The following EXT1 variants were observed in gnomAD, a reference collection of about 807,000 sequenced individuals.
EXT1 encodes the protein exostosin-1.
In EXT1, 20 loss-of-function variants were observed where a neutral mutation model predicts 82.5. The ratio of observed to expected loss-of-function variants is 0.24; its 90% CI spans 0.17 to 0.35. The LOEUF (loss-of-function observed/expected upper bound fraction) is 0.35. EXT1 is among the 10% of genes least tolerant of loss of function. The probability of loss-of-function intolerance (pLI) is 1.00; values close to 1 mark genes in which losing one functional copy is unlikely to be tolerated. For synonymous variants in EXT1, 348 were observed against 350.8 expected (o/e 0.99, Z 0.09); for missense variants, 757 against 936.5 (o/e 0.81, Z 2.50).
At chr8:118,086,854 T>G (rs1031396312) in intron 1 of EXT1, among the ~76,000 whole-genome samples, 4 of 152,192 alleles carry the variant, frequency 2.6e-5, no homozygotes, top group African/African-American at 9.7e-5. Context: ...GGGATAACTA[T>G]TTAGGAGCTT....
intron 1 of EXT1, among the ~76,000 whole-genome samples, chr8:117,841,590 T>G (rs10103003): frequency 1.3e-5 from 2 of 151,962 alleles, no homozygotes; most frequent in Non-Finnish European, 2.9e-5. Context: ...CCAGATAATT[T>G]GCCACTCTAA....
At chr8:117,883,980 T>C (rs1030288846) in intron 1 of EXT1, among the ~76,000 whole-genome samples, 2 of 152,216 alleles carry the variant, frequency 1.3e-5, no homozygotes, top group African/African-American at 4.8e-5. Flanking sequence ...AACCAGCTTA[T>C]GAGTGTCACT....
chr8:117,949,448 C>A (rs1444537321), intron 1 of EXT1, among the ~76,000 whole-genome samples: 2 of 150,388 alleles, frequency 1.3e-5, no homozygotes, highest in East Asian at 3.9e-4. Context: ...AATATCAGTA[C>A]CTAGTTTGTG....
At chr8:118,021,684 T>A (rs777489979) in intron 1 of EXT1, among the ~76,000 whole-genome samples, 4 of 152,192 alleles carry the variant, frequency 2.6e-5, no homozygotes, top group Non-Finnish European at 5.9e-5. Context: ...AGGGATATTG[T>A]CTGAATGTTT....
chr8:118,069,226 G>A (rs943036503), intron 1 of EXT1, among the ~76,000 whole-genome samples: 4 of 152,154 alleles, frequency 2.6e-5, no homozygotes, highest in Non-Finnish European at 5.9e-5. Context: ...TGTAGCAGAG[G>A]TTAACTTCCC....
rs147018695 is a variant in EXT1, at chr8:117,834,070, C to A, written c.1164+1374G>T. Among the ~76,000 whole-genome samples the A allele has an allele frequency of 4.8e-4, 73 of 152,290 alleles. 1 individual carries two copies. The highest frequency in any genetic ancestry group is 1.6e-3 in the African/African-American group (67 of 41,578). On this transcript the variant is annotated intron_variant, in intron 3 of 10. Coordinates refer to ENST00000378204, the MANE Select transcript of EXT1 (RefSeq NM_000127.3). Reference sequence around the variant, plus strand: ...TTAAGTTGTATTCAGGGCAGAATAACTTATTCCCCCAAAAACAGATTCTGT... The same window carrying A: ...TTAAGTTGTATTCAGGGCAGAATAAATTATTCCCCCAAAAACAGATTCTGT...
At chr8:118,082,405 T>C (rs1332508976) in intron 1 of EXT1, among the ~76,000 whole-genome samples, 2 of 152,232 alleles carry the variant, frequency 1.3e-5, no homozygotes, top group Non-Finnish European at 2.9e-5. Flanking sequence ...CTAGACATCA[T>C]GAAAAGGCAT....
chr8:117,897,718 C>T (rs561714895), intron 1 of EXT1, among the ~76,000 whole-genome samples: 33 of 149,744 alleles, frequency 2.2e-4, no homozygotes, highest in African/African-American at 6.4e-4. Flanking sequence ...CCTCAGCCTT[C>T]CGAGTAGCTG....
intron 1 of EXT1, among the ~76,000 whole-genome samples, chr8:118,008,446 A>T (rs1563628046): frequency 6.6e-6 from 1 of 151,976 alleles, no homozygotes; most frequent in Non-Finnish European, 1.5e-5. Context: ...TTTTTAGTAA[A>T]GACAGGGTTT....
intron 1 of EXT1, among the ~76,000 whole-genome samples, chr8:118,020,118 T>G (rs1484884364): frequency 6.6e-6 from 1 of 152,198 alleles, no homozygotes; most frequent in Admixed American, 6.5e-5. Context: ...GAACCTAAAA[T>G]TTGTGTTTGG....
chr8:117,821,757 G>A (rs1472758240), intron 5 of EXT1, among the ~76,000 whole-genome samples: 2 of 152,172 alleles, frequency 1.3e-5, no homozygotes, highest in Non-Finnish European at 1.5e-5. Flanking sequence ...GCTTTCTCAA[G>A]TTTAGAACTG....
At chr8:118,100,279 C>T (rs1817694487) in intron 1 of EXT1, among the ~76,000 whole-genome samples, 1 of 152,156 alleles carries the variant, frequency 6.6e-6, no homozygotes, top group South Asian at 2.1e-4. Context: ...AGTTTCAGTT[C>T]AGTTTCTGCC....
intron 1 of EXT1, among the ~76,000 whole-genome samples, chr8:117,991,385 T>C (rs183209631): frequency 6.6e-6 from 1 of 152,266 alleles, no homozygotes; most frequent in Admixed American, 6.5e-5. Flanking sequence ...GTCCGGCTCA[T>C]TGCCACTGGA....
intron 7 of EXT1, among the ~76,000 whole-genome samples, chr8:117,813,265 TC>T (rs1458450242): frequency 2.0e-5 from 3 of 152,122 alleles, no homozygotes; most frequent in Non-Finnish European, 2.9e-5. Context: ...AGATGACCAG[TC>T]TTTGCTTGAT....
At chr8:118,077,466 C>A (rs1005968645) in intron 1 of EXT1, among the ~76,000 whole-genome samples, 1 of 152,190 alleles carries the variant, frequency 6.6e-6, no homozygotes, top group Non-Finnish European at 1.5e-5. Context: ...CTTACTGCTA[C>A]AAGAGCCTAT....
chr8:117,827,930 G>A (rs562514866), intron 4 of EXT1, among the ~76,000 whole-genome samples: 51 of 150,518 alleles, frequency 3.4e-4, no homozygotes, highest in African/African-American at 1.2e-3. Flanking sequence ...CTGCAATGAT[G>A]TACATAAAGG....
chr8:117,948,051 C>A (rs1467970530), intron 1 of EXT1, among the ~76,000 whole-genome samples: 1 of 152,224 alleles, frequency 6.6e-6, no homozygotes, highest in East Asian at 1.9e-4. Context: ...TCCATCAACA[C>A]TCTGAGATCT....
chr8:118,077,347 A>G (rs1817230593), intron 1 of EXT1, among the ~76,000 whole-genome samples: 1 of 152,226 alleles, frequency 6.6e-6, no homozygotes. Context: ...AATTCCCACC[A>G]AAGGAGGACT....
At chr8:118,027,153 G>A (rs1165836989) in intron 1 of EXT1, among the ~76,000 whole-genome samples, 1 of 152,176 alleles carries the variant, frequency 6.6e-6, no homozygotes, top group Non-Finnish European at 1.5e-5. Flanking sequence ...TAGAGAAATT[G>A]CAAGCACTAC....
Sources: allele counts gnomAD v4.1 joint callset (sites outside exome capture counted in the v4.1 genomes callset), GRCh38; gene constraint gnomAD v4.1.1; transcripts MANE v1.5; gene names NCBI Gene and HGNC (gene_info 2026-07-23, HGNC 2026-07-21).